RANBP2: variants seen among roughly 807,000 people sequenced by gnomAD.
The protein encoded by RANBP2 is RAN binding protein 2.
RANBP2 carries 57 observed loss-of-function variants against 303.6 expected under a neutral mutation model. The ratio of observed to expected loss-of-function variants is 0.19; its 90% CI spans 0.15 to 0.23. RANBP2 has a LOEUF of 0.23. Ranked by LOEUF, RANBP2 falls within the 10% of genes least tolerant of loss-of-function variation. The probability of loss-of-function intolerance (pLI) is 1.00; values close to 1 mark genes in which losing one functional copy is unlikely to be tolerated. For synonymous variants in RANBP2, 1,167 were observed against 1,301.5 expected (o/e 0.90, Z 2.23); for missense variants, 3,138 against 3,780.8 (o/e 0.83, Z 4.46).
At chr2:109,361,396 C>T in the RANBP2 span, among the ~76,000 whole-genome samples, 1 of 152,160 alleles carries the variant, frequency 6.6e-6, no homozygotes, top group South Asian at 2.1e-4. Flanking sequence ...ATAATTTCTT[C>T]ATTTATATGT....
At chr2:109,629,339 ATATATATATATATATATT>A in the RANBP2 span, among the ~76,000 whole-genome samples, 1,250 of 9,670 alleles carry the variant, frequency 0.13, 74 homozygotes, top group Non-Finnish European at 0.2. Context: ...ATATATATAT[ATATATATATATATATATT>A]TTTTTTTTTT....
At chr2:109,387,375 C>G in the RANBP2 span, among the ~76,000 whole-genome samples, 704 of 152,300 alleles carry the variant, frequency 4.6e-3, 8 homozygotes, top group African/African-American at 0.016. Context: ...CAGGACCTCC[C>G]AGGGGCCCAG....
At chr2:109,203,845 C>G in the RANBP2 span, among the ~76,000 whole-genome samples, 2 of 152,146 alleles carry the variant, frequency 1.3e-5, no homozygotes, top group Non-Finnish European at 2.9e-5. Flanking sequence ...TGTGTGGGTG[C>G]CTCGCTACCT....
At chr2:109,343,421 C>T in the RANBP2 span, among the ~76,000 whole-genome samples, 3 of 152,062 alleles carry the variant, frequency 2.0e-5, no homozygotes, top group Admixed American at 2.0e-4. Context: ...GTTCATTCCC[C>T]CTCTTGGTTT....
the RANBP2 span, among the ~76,000 whole-genome samples, chr2:109,540,248 ACT>A: frequency 3.3e-5 from 5 of 152,252 alleles, no homozygotes; most frequent in African/African-American, 1.2e-4. Context: ...CCCCGGGTGC[ACT>A]GTTTTATCTA....
chr2:109,380,140 G>A, the RANBP2 span, among the ~76,000 whole-genome samples: 4,790 of 152,286 alleles, frequency 0.031, 242 homozygotes, highest in African/African-American at 0.1. Flanking sequence ...ACATACATGG[G>A]TGTTCATTGT....
chr2:109,240,878 A>G, the RANBP2 span, among the ~76,000 whole-genome samples: 1 of 113,650 alleles, frequency 8.8e-6, no homozygotes, highest in African/African-American at 3.6e-5. Flanking sequence ...ACTTGATTCC[A>G]TCTCTCTCTC....
At chr2:109,095,816 TA>T in the RANBP2 span, among the ~76,000 whole-genome samples, 1 of 152,244 alleles carries the variant, frequency 6.6e-6, no homozygotes, top group Non-Finnish European at 1.5e-5. Flanking sequence ...GCCTTAGCAT[TA>T]AAAAGGCACT....
At chr2:109,341,551 A>G in the RANBP2 span, among the ~76,000 whole-genome samples, 4 of 152,226 alleles carry the variant, frequency 2.6e-5, no homozygotes, top group Non-Finnish European at 4.4e-5. Flanking sequence ...TCAGAATATA[A>G]GCTGAGCTGT....
chr2:109,042,083 T>C, the RANBP2 span, among the ~76,000 whole-genome samples: 6 of 152,226 alleles, frequency 3.9e-5, no homozygotes, highest in Non-Finnish European at 8.8e-5. Context: ...ATTAGCTACT[T>C]ATCTTACTTT....
At chr2:109,541,263 T>C in the RANBP2 span, among the ~76,000 whole-genome samples, 1 of 152,210 alleles carries the variant, frequency 6.6e-6, no homozygotes, top group African/African-American at 2.4e-5. Flanking sequence ...TTCATGCCAC[T>C]ATTTTCTCAT....
At chr2:109,573,320 T>C in the RANBP2 span, among the ~76,000 whole-genome samples, 4 of 152,202 alleles carry the variant, frequency 2.6e-5, no homozygotes, top group Non-Finnish European at 5.9e-5. Flanking sequence ...CAAATCTTTA[T>C]ACAAATTACC....
chr2:108,919,749 G>A, the RANBP2 span, among the ~76,000 whole-genome samples: 71 of 152,258 alleles, frequency 4.7e-4, no homozygotes, highest in Middle Eastern at 0.017. Context: ...GGCCAGAGCC[G>A]GCAGTGTAGG....
At chr2:108,773,597 G>A (rs866566607) in intron 23 of RANBP2, among the ~76,000 whole-genome samples, 13 of 151,198 alleles carry the variant, frequency 8.6e-5, no homozygotes, top group African/African-American at 1.7e-4. Context: ...TCAATTTTCC[G>A]AAATTGATCT....
the RANBP2 span, among the ~76,000 whole-genome samples, chr2:109,597,326 G>A: frequency 2.0e-5 from 3 of 152,222 alleles, no homozygotes; most frequent in Admixed American, 6.5e-5. Context: ...AGAGCTCTGT[G>A]TAGGGCTAAG....
chr2:109,052,041 C>G, the RANBP2 span, among the ~76,000 whole-genome samples: 6 of 152,222 alleles, frequency 3.9e-5, no homozygotes, highest in Non-Finnish European at 5.9e-5. Flanking sequence ...AGCCACCACG[C>G]CTGGACTAGC....
At chr2:109,032,007 G>GT in the RANBP2 span, among the ~76,000 whole-genome samples, 1 of 150,366 alleles carries the variant, frequency 6.7e-6, no homozygotes, top group Non-Finnish European at 1.5e-5. Context: ...TTCAGGAGCT[G>GT]TAAGTTCTTG....
the RANBP2 span, among the ~76,000 whole-genome samples, chr2:109,462,644 G>A: frequency 2.0e-5 from 3 of 152,232 alleles, no homozygotes; most frequent in Non-Finnish European, 4.4e-5. Context: ...AGGCAGGTTA[G>A]TGGCTTCCAC....
In RANBP2 at chr2:108,729,161, G is replaced by A. The variant is rs771041997; in HGVS notation, c.102G>A (p.Lys34=). Residue 34 remains lysine, a synonymous_variant, in exon 2 of 29, where the codon AAG becomes AAA. Transcript: ENST00000283195. ...QKSMKGFYFA[K]LYYEAKEYDL... ...CAATGAAAGGATTCTATTTTGCAAA[G>A]CTGTATTATGAAGCTAAAGAATATG... 2 of 1,573,116 alleles carry A rather than the reference G, an allele frequency of 1.3e-6. No homozygotes were observed. The highest frequency in any genetic ancestry group is 3.4e-5 in the Admixed American group (2 of 59,230).
Sources: gnomAD v4.1 joint callset for allele counts (sites outside exome capture counted in the v4.1 genomes callset) on GRCh38, gnomAD v4.1.1 for gene constraint, MANE v1.5 for transcripts, NCBI Gene and HGNC (gene_info 2026-07-23, HGNC 2026-07-21) for gene names.